Variants in WWC2 observed in about 807,000 individuals in gnomAD.
The protein encoded by WWC2 is protein WWC2.
In WWC2, 101 loss-of-function variants were observed where a neutral mutation model predicts 138.5. The observed-to-expected ratio is 0.73, with a 90% CI of 0.62 to 0.86. WWC2 has a LOEUF of 0.86. WWC2 is among the 40% of genes least tolerant of loss of function. The probability of loss-of-function intolerance (pLI) is 0.00; values close to 1 mark genes in which losing one functional copy is unlikely to be tolerated. For missense variants in WWC2, 1,420 were observed against 1,419.4 expected (o/e 1.00, Z -0.01); for synonymous variants, 558 against 538.4 (o/e 1.04, Z -0.50).
intron 21 of WWC2, among the ~76,000 whole-genome samples, chr4:183,310,592 C>T (rs926326333): frequency 2.6e-5 from 4 of 151,912 alleles, no homozygotes; most frequent in Admixed American, 2.0e-4. Context: ...CCTTAAACTC[C>T]CAGGCTCAAG....
chr4:183,114,520 T>G (rs28521596), intron 1 of WWC2, among the ~76,000 whole-genome samples: 2,854 of 152,188 alleles, frequency 0.019, 89 homozygotes, highest in African/African-American at 0.065. Flanking sequence ...GGTTTATACA[T>G]AGGTAGTATT....
intron 4 of WWC2, among the ~76,000 whole-genome samples, chr4:183,231,487 C>A (rs1363516393): frequency 6.6e-6 from 1 of 151,828 alleles, no homozygotes; most frequent in Non-Finnish European, 1.5e-5. Context: ...CCAGGCTGAT[C>A]TTGAACTCCC....
intron 14 of WWC2, 58 bp from the exon 15 acceptor site, chr4:183,268,913 T>C: frequency 6.8e-7 from 1 of 1,465,352 alleles, no homozygotes; most frequent in Non-Finnish European, 9.3e-7. Flanking sequence ...AAATGATAGC[T>C]GTGAATCTGG....
chr4:183,174,821 C>T (rs1047673685), intron 1 of WWC2, among the ~76,000 whole-genome samples: 3 of 152,136 alleles, frequency 2.0e-5, no homozygotes, highest in Non-Finnish European at 4.4e-5. Context: ...GTCTCTCTCT[C>T]TTTTGCGCTC....
At chr4:183,238,380 T>A (rs1736496282) in intron 4 of WWC2, among the ~76,000 whole-genome samples, 1 of 152,214 alleles carries the variant, frequency 6.6e-6, no homozygotes, top group African/African-American at 2.4e-5. Flanking sequence ...TGGACCCTCG[T>A]GGCACTTCTG....
In WWC2 at chr4:183,256,884, GCCCCCCCCCC is replaced by G. The variant is rs60733090; in HGVS notation, c.1197-2745_1197-2736del. 1.1e-4 allele frequency among the ~76,000 whole-genome samples: 9 copies of G among 81,114 alleles called. 1 individual carries two copies. Among genetic ancestry groups the G allele is most frequent in the African/African-American group, 3.9e-4 (5 of 12,748 alleles). 53.2% of individuals were successfully genotyped at this position (81,114 alleles called of 152,430 possible). On this transcript the variant is annotated intron_variant, in intron 9 of 22. Transcript: ENST00000403733. ...TTCAGTCTCTGAGTGTGATCCTACA[GCCCCCCCCCC>G]CCCCCCCCCGGCTCTGTTCCTGCCC... is the stretch of plus-strand genomic sequence containing the variant.
At chr4:183,111,817 C>T (rs1006542408) in intron 1 of WWC2, among the ~76,000 whole-genome samples, 3 of 151,842 alleles carry the variant, frequency 2.0e-5, no homozygotes, top group Non-Finnish European at 4.4e-5. Flanking sequence ...ACCTCAGCCT[C>T]TGGAGTAGCT....
chr4:183,149,749 T>G (rs1474796504), intron 1 of WWC2, among the ~76,000 whole-genome samples: 1 of 151,874 alleles, frequency 6.6e-6, no homozygotes, highest in African/African-American at 2.4e-5. Flanking sequence ...ATCTAGAGAT[T>G]TGCTCACATT....
intron 4 of WWC2, among the ~76,000 whole-genome samples, chr4:183,220,515 T>C (rs1318069882): frequency 1.1e-4 from 17 of 151,018 alleles, no homozygotes; most frequent in Admixed American, 1.1e-3. Flanking sequence ...TGCTGATTCC[T>C]GCCCTAGAGT....
At chr4:183,130,370 T>G (rs1334871691) in intron 1 of WWC2, among the ~76,000 whole-genome samples, 5 of 151,914 alleles carry the variant, frequency 3.3e-5, no homozygotes, top group African/African-American at 1.2e-4. Flanking sequence ...ATCTTTAAAA[T>G]TAAAAAAAAA....
chr4:183,191,598 C>G (rs1734994836), intron 1 of WWC2, among the ~76,000 whole-genome samples: 1 of 152,226 alleles, frequency 6.6e-6, no homozygotes, highest in South Asian at 2.1e-4. Flanking sequence ...CTCTTAACTT[C>G]TAAGCCGGTG....
At chr4:183,243,777 GTGTGTGTGTGT>G (rs1736687251) in intron 5 of WWC2, among the ~76,000 whole-genome samples, 1 of 148,242 alleles carries the variant, frequency 6.7e-6, no homozygotes, top group South Asian at 2.1e-4. Context: ...GTGTGTGTGT[GTGTGTGTGTGT>G]GTGCATGTGT....
chr4:183,264,061 G>A (rs1275618906), intron 11 of WWC2, among the ~76,000 whole-genome samples: 3 of 152,168 alleles, frequency 2.0e-5, no homozygotes, highest in African/African-American at 7.2e-5. Flanking sequence ...AATAAATCAT[G>A]TCATCACCTT....
rs575183245 is a variant in WWC2 at position 183,317,185 on chromosome 4, G to A, written c.*1456G>A. 1 of 147,264 alleles carries A rather than the reference G, an allele frequency of 6.8e-6. No homozygotes were observed. The highest frequency in any genetic ancestry group is 2.0e-4 in the East Asian group (1 of 4,998). 9.1% of individuals were successfully genotyped at this position (147,264 alleles called of 1,614,324 possible). ...GACCCCTTGAAGAAAAAAAAAAAAAGTTTTGTTCCTCAGTTAGAATGCTCA... is the reference window on the plus strand; with the variant it reads ...GACCCCTTGAAGAAAAAAAAAAAAAATTTTGTTCCTCAGTTAGAATGCTCA... On this transcript the variant is annotated 3_prime_UTR_variant, in exon 23 of 23. Transcript: ENST00000403733.
intron 21 of WWC2, among the ~76,000 whole-genome samples, chr4:183,310,832 T>TAAAAAAA (rs34169882): frequency 8.8e-6 from 1 of 113,434 alleles, no homozygotes; most frequent in Non-Finnish European, 1.7e-5. Context: ...TGGCATATTG[T>TAAAAAAA]AAAAAAAAAA....
At chr4:183,267,605 A>G (rs553837680) in intron 14 of WWC2, among the ~76,000 whole-genome samples, 25 of 152,354 alleles carry the variant, frequency 1.6e-4, no homozygotes, top group Admixed American at 5.2e-4. Context: ...CACCTGCAAT[A>G]TGCTCTACTT....
At chr4:183,302,669 C>T (rs1394191837) in intron 21 of WWC2, among the ~76,000 whole-genome samples, 1 of 152,142 alleles carries the variant, frequency 6.6e-6, no homozygotes, top group Non-Finnish European at 1.5e-5. Flanking sequence ...GCTTAGAATG[C>T]CTTCTCTTAA....
Position 183,253,762 on chromosome 4 carries a change from C to G in WWC2, c.959C>G (p.Ala320Gly). 1 of 1,606,608 alleles carries G rather than the reference C, an allele frequency of 6.2e-7. No individual in the cohort carries two copies. Among genetic ancestry groups the G allele is most frequent in the East Asian group, 2.2e-5 (1 of 44,836 alleles). ...TTCTATCTTTTTTTTTTTAGTATGG[C>G]CAACTTAAAAATTGAACTGTCAAAA... ...LQYEEAKRSMANLKIELSKLD... is the reference protein window; with the variant it reads ...LQYEEAKRSMGNLKIELSKLD... Residue 320 changes from alanine to glycine, a missense_variant, in exon 9 of 23, where the codon GCC becomes GGC. Transcript: ENST00000403733.
At chr4:183,228,965 A>G (rs1005313161) in intron 4 of WWC2, among the ~76,000 whole-genome samples, 3 of 152,126 alleles carry the variant, frequency 2.0e-5, no homozygotes, top group African/African-American at 7.3e-5. Context: ...ACAGAAGAGT[A>G]CACACTGTAT....
Sources: allele counts gnomAD v4.1 joint callset (sites outside exome capture counted in the v4.1 genomes callset), GRCh38; gene constraint gnomAD v4.1.1; transcripts MANE v1.5; gene names NCBI Gene and HGNC (gene_info 2026-07-23, HGNC 2026-07-21).